PPM1E: variants seen among roughly 807,000 people sequenced by gnomAD.
PPM1E encodes the protein protein phosphatase 1E.
Under a neutral mutation model 65.9 loss-of-function variants are expected in PPM1E, and 20 were observed. That is an observed-to-expected ratio of 0.30 (90% CI 0.21 to 0.44). PPM1E has a LOEUF of 0.44. Ranked by LOEUF, PPM1E falls within the 20% of genes least tolerant of loss-of-function variation. PPM1E has a pLI of 1.00. For synonymous variants in PPM1E, 352 were observed against 374.9 expected (o/e 0.94, Z 0.70); for missense variants, 713 against 953.1 (o/e 0.75, Z 3.32).
intron 1 of PPM1E, among the ~76,000 whole-genome samples, chr17:58,794,888 C>CTTTTTTTT (rs35841208): frequency 7.6e-6 from 1 of 131,596 alleles, no homozygotes; most frequent in Non-Finnish European, 1.6e-5. Flanking sequence ...GTACATGTGT[C>CTTTTTTTT]TTTTTTTTTT....
chr17:58,811,503 G>A (rs967384938), intron 1 of PPM1E, among the ~76,000 whole-genome samples: 29 of 152,064 alleles, frequency 1.9e-4, no homozygotes, highest in Admixed American at 4.6e-4. Context: ...TGTATGCATT[G>A]CGCAATCTGA....
rs1434161627 is a variant in PPM1E at position 58,984,911 on chromosome 17, T to A, written c.*3880T>A. 1 of 152,670 alleles carries A rather than the reference T, an allele frequency of 6.6e-6. No homozygotes were observed. The highest frequency in any genetic ancestry group is 1.5e-5 in the Non-Finnish European group (1 of 68,044). 9.5% of individuals were successfully genotyped at this position (152,670 alleles called of 1,614,324 possible). On this transcript the variant is annotated 3_prime_UTR_variant, in exon 7 of 7. Coordinates refer to ENST00000308249, the MANE Select transcript of PPM1E (RefSeq NM_014906.5). ...ATCCAGATACATCATTGTAAACTCTTACTCTAGGTGCTCTTTGGTGAGAGA... is the reference window on the plus strand; with the variant it reads ...ATCCAGATACATCATTGTAAACTCTAACTCTAGGTGCTCTTTGGTGAGAGA...
intron 6 of PPM1E, among the ~76,000 whole-genome samples, chr17:58,975,449 CA>C (rs2030937991): frequency 6.6e-6 from 1 of 152,042 alleles, no homozygotes; most frequent in Non-Finnish European, 1.5e-5. Context: ...CCAACCTGGG[CA>C]ACATAGTGAT....
intron 1 of PPM1E, among the ~76,000 whole-genome samples, chr17:58,902,308 A>C (rs1314740216): frequency 6.6e-6 from 1 of 152,066 alleles, no homozygotes; most frequent in Non-Finnish European, 1.5e-5. Flanking sequence ...AATTAATTTA[A>C]AGTTTGTTAT....
intron 1 of PPM1E, chr17:58,836,085 C>A (rs1176162232): frequency 6.6e-6 from 1 of 152,004 alleles, no homozygotes; most frequent in Non-Finnish European, 1.5e-5. Context: ...GGATTCAAAC[C>A]CAGGTGTGGC....
At chr17:58,973,824 C>T (rs749609266) in intron 6 of PPM1E, among the ~76,000 whole-genome samples, 10 of 151,808 alleles carry the variant, frequency 6.6e-5, no homozygotes, top group African/African-American at 1.9e-4. Context: ...TTGTGGCACA[C>T]GTCTGTAGTC....
chr17:58,846,523 T>C (rs2050773349), intron 1 of PPM1E, among the ~76,000 whole-genome samples: 1 of 152,194 alleles, frequency 6.6e-6, no homozygotes, highest in Non-Finnish European at 1.5e-5. Flanking sequence ...ATGTGGTGTT[T>C]GGTTTTCTGT....
At chr17:58,951,443 C>T (rs1172868969) in intron 1 of PPM1E, 1 of 152,242 alleles carries the variant, frequency 6.6e-6, no homozygotes, top group African/African-American at 2.4e-5. Context: ...ATTTGGGAGA[C>T]TGAGATGGGT....
chr17:58,807,701 GA>G (rs1308111446), intron 1 of PPM1E, among the ~76,000 whole-genome samples: 1 of 152,110 alleles, frequency 6.6e-6, no homozygotes, highest in Non-Finnish European at 1.5e-5. Flanking sequence ...AATGGATAAG[GA>G]AAAGACAGCC....
At chr17:58,872,711 G>A (rs189912426) in intron 1 of PPM1E, among the ~76,000 whole-genome samples, 3 of 152,238 alleles carry the variant, frequency 2.0e-5, no homozygotes, top group Admixed American at 6.5e-5. Context: ...AAACAAAAAT[G>A]ACAGCCACCT....
chr17:58,895,015 G>A (rs577059918), intron 1 of PPM1E, among the ~76,000 whole-genome samples: 17 of 152,156 alleles, frequency 1.1e-4, no homozygotes, highest in South Asian at 6.2e-4. Flanking sequence ...TTTCAACAGC[G>A]TGTGATCACT....
Position 58,756,180 on chromosome 17 carries a change from T to C in PPM1E, c.183T>C (p.Ala61=). The C allele has an allele frequency of 6.4e-7, 1 of 1,570,766 alleles. No homozygotes were observed. The highest frequency in any genetic ancestry group is 8.6e-7 in the Non-Finnish European group (1 of 1,157,894). ...TGGTAGAAGCTGAGGCGGCCGAGGC[T>C]TCGGTAGAGGAACCCGGGGAGGAGG... The part of the protein sequence containing the change: ...PELVEAEAAE[A]SVEEPGEEAA... The change falls in exon 1 of 7, where the codon GCT becomes GCC. Residue 61 remains alanine, a synonymous_variant. Transcript: ENST00000308249.
At chr17:58,896,871 A>G (rs1388138089) in intron 1 of PPM1E, among the ~76,000 whole-genome samples, 3 of 152,194 alleles carry the variant, frequency 2.0e-5, no homozygotes, top group South Asian at 2.1e-4. Context: ...CTTGGCTTCA[A>G]AGCTTCAAAG....
intron 1 of PPM1E, among the ~76,000 whole-genome samples, chr17:58,934,305 G>A (rs901228361): frequency 6.6e-6 from 1 of 152,062 alleles, no homozygotes; most frequent in Non-Finnish European, 1.5e-5. Flanking sequence ...TGTGTAGTGT[G>A]CACAAAAAGT....
intron 1 of PPM1E, among the ~76,000 whole-genome samples, chr17:58,819,637 G>A (rs550270049): frequency 6.6e-6 from 1 of 152,190 alleles, no homozygotes; most frequent in South Asian, 2.1e-4. Flanking sequence ...TGCTTCTGGG[G>A]AGGCCTCAGG....
chr17:58,773,603 TGTA>T (rs2049962400), intron 1 of PPM1E, among the ~76,000 whole-genome samples: 1 of 152,132 alleles, frequency 6.6e-6, no homozygotes, highest in Non-Finnish European at 1.5e-5. Context: ...TTTATTAAAT[TGTA>T]CCTTCCTTGA....
Position 58,982,855 on chromosome 17 carries a change from C to CT in PPM1E, c.*1825dup. On this transcript the variant is annotated 3_prime_UTR_variant, in exon 7 of 7. Transcript: ENST00000308249. ...CCCCACACATGGTCCTCACTCATAT[C>CT]TGTCACCTTCTGAAGCCTAGATCTT... 2 of 1,514,944 alleles carry CT rather than the reference C, an allele frequency of 1.3e-6. No homozygotes were observed. Among genetic ancestry groups the CT allele is most frequent in the Admixed American group, 1.9e-5 (1 of 51,826 alleles). The allele number at this position is 1,514,944 out of a possible 1,614,324, so 93.8% of individuals were successfully genotyped here. A position where few individuals can be genotyped will look rare whatever the true frequency, so the allele number is the denominator to read the frequency against.
chr17:58,777,036 A>G (rs893661134), intron 1 of PPM1E, among the ~76,000 whole-genome samples: 30 of 152,236 alleles, frequency 2.0e-4, no homozygotes, highest in Admixed American at 9.8e-4. Context: ...GTTTGAGACC[A>G]GCCTGGGCAA....
At position 58,756,300 on chromosome 17, in the gene PPM1E, C is replaced by CGCGGCG. The variant is rs889032077; in HGVS notation, c.304_309dup (p.Ala102_Ala103dup). The CGCGGCG allele has an allele frequency of 2.6e-6, 4 of 1,515,512 alleles. No homozygotes were observed. In the African/African-American group the frequency reaches 4.3e-5, roughly 16 times the overall value. 93.9% of individuals were successfully genotyped at this position (1,515,512 alleles called of 1,614,324 possible). ...TTGAGGGTGAGGAGGAGGAGGAGGG[C>CGCGGCG]GCGGCGACGGCGGCGGCAGCCCCGG... is the stretch of plus-strand genomic sequence containing the variant. On this transcript the variant is annotated inframe_insertion, in exon 1 of 7. Coordinates refer to ENST00000308249, the MANE Select transcript of PPM1E (RefSeq NM_014906.5).
Sources: gnomAD v4.1 joint callset for allele counts (sites outside exome capture counted in the v4.1 genomes callset) on GRCh38, gnomAD v4.1.1 for gene constraint, MANE v1.5 for transcripts, NCBI Gene and HGNC (gene_info 2026-07-23, HGNC 2026-07-21) for gene names.